WWOX: variants seen among roughly 807,000 people sequenced by gnomAD.
The protein encoded by WWOX is WW domain containing oxidoreductase, also known as WW domain-containing oxidoreductase.
In WWOX, 69 loss-of-function variants were observed where a neutral mutation model predicts 46.2. That is an observed-to-expected ratio of 1.49 (90% CI 1.23 to 1.82). The LOEUF is 1.82. Ranked by LOEUF, WWOX falls within the 40% of genes most tolerant of loss-of-function variation. The pLI is 0.00. For missense variants in WWOX, 919 were observed against 542.6 expected (o/e 1.69, Z -6.89); for synonymous variants, 359 against 202.6 (o/e 1.77, Z -6.56).
chr16:78,958,125 G>T (rs1052954992), intron 8 of WWOX, among the ~76,000 whole-genome samples: 1 of 152,132 alleles, frequency 6.6e-6, no homozygotes, highest in Non-Finnish European at 1.5e-5. Context: ...TGGTCCTATT[G>T]TTCCTTAACT....
At chr16:78,901,336 C>T (rs928551525) in intron 8 of WWOX, among the ~76,000 whole-genome samples, 1 of 152,214 alleles carries the variant, frequency 6.6e-6, no homozygotes, top group African/African-American at 2.4e-5. Flanking sequence ...GAATATCCAA[C>T]ACATTATAGA....
intron 8 of WWOX, among the ~76,000 whole-genome samples, chr16:78,647,509 G>A (rs1195960044): frequency 6.6e-6 from 1 of 152,176 alleles, no homozygotes; most frequent in Non-Finnish European, 1.5e-5. Context: ...TGTTAGAGAA[G>A]GGAATGGATG....
At chr16:78,433,700 C>T (rs1256766496) in intron 8 of WWOX, among the ~76,000 whole-genome samples, 2 of 151,750 alleles carry the variant, frequency 1.3e-5, no homozygotes, top group Non-Finnish European at 2.9e-5. Context: ...GCTGATCTCA[C>T]GACCTTGGAA....
chr16:78,642,070 G>A (rs1392592990), intron 8 of WWOX, among the ~76,000 whole-genome samples: 1 of 152,208 alleles, frequency 6.6e-6, no homozygotes, highest in Non-Finnish European at 1.5e-5. Context: ...AGTACATTGA[G>A]TGTGACATGC....
intron 8 of WWOX, among the ~76,000 whole-genome samples, chr16:78,634,970 C>T (rs746995636): frequency 1.1e-4 from 16 of 151,652 alleles, no homozygotes; most frequent in Non-Finnish European, 2.1e-4. Context: ...CAGTAAAGAG[C>T]CTGTAAATAA....
intron 5 of WWOX, among the ~76,000 whole-genome samples, chr16:78,319,159 T>C (rs2080414318): frequency 6.6e-6 from 1 of 152,048 alleles, no homozygotes; most frequent in Non-Finnish European, 1.5e-5. Flanking sequence ...ATTGCTGGCT[T>C]TGAAAATGGA....
intron 8 of WWOX, among the ~76,000 whole-genome samples, chr16:78,980,011 C>G (rs1357180905): frequency 6.6e-6 from 1 of 152,108 alleles, no homozygotes; most frequent in Admixed American, 6.5e-5. Flanking sequence ...ACCTGTACTT[C>G]CAGCTGCTTG....
chr16:78,998,279 C>A (rs931157807), intron 8 of WWOX, among the ~76,000 whole-genome samples: 1 of 152,190 alleles, frequency 6.6e-6, no homozygotes, highest in Non-Finnish European at 1.5e-5. Context: ...TCAGTTCATT[C>A]TCTCTGATCT....
At chr16:79,160,524 T>C (rs535937539) in intron 8 of WWOX, among the ~76,000 whole-genome samples, 6 of 152,332 alleles carry the variant, frequency 3.9e-5, no homozygotes, top group South Asian at 2.1e-4. Flanking sequence ...TACAATGATG[T>C]AACCTACTTG....
chr16:78,258,067 C>T, intron 5 of WWOX, among the ~76,000 whole-genome samples: 1 of 152,130 alleles, frequency 6.6e-6, no homozygotes, highest in East Asian at 1.9e-4. Flanking sequence ...ACAATTATGA[C>T]TTCTGAGCTG....
rs576031293 is a variant in WWOX, at chr16:78,165,337, A to G, written c.516+1048A>G. Among the ~76,000 whole-genome samples, 5 of 152,360 alleles carry G rather than the reference A, an allele frequency of 3.3e-5. No individual in the cohort carries two copies. The South Asian group carries it at 1.0e-3, about 32-fold the overall frequency. ...ACTGTTAAGGACAACAGACGTTGCCACTGTCTTTGTAGAGCTTTCAGCCTA... is the reference window on the plus strand; with the variant it reads ...ACTGTTAAGGACAACAGACGTTGCCGCTGTCTTTGTAGAGCTTTCAGCCTA... On this transcript the variant is annotated intron_variant, in intron 5 of 8. Transcript: ENST00000566780.
At chr16:79,192,013 C>G (rs1021231353) in intron 8 of WWOX, among the ~76,000 whole-genome samples, 2 of 152,206 alleles carry the variant, frequency 1.3e-5, no homozygotes, top group Non-Finnish European at 2.9e-5. Flanking sequence ...CTTACATAAA[C>G]TGACCAGGAA....
At chr16:78,358,324 A>G (rs960821377) in intron 5 of WWOX, among the ~76,000 whole-genome samples, 4 of 152,230 alleles carry the variant, frequency 2.6e-5, no homozygotes, top group African/African-American at 9.6e-5. Context: ...CTAATGAATT[A>G]CTTTCCTTGA....
At chr16:79,150,201 A>G (rs1034594814) in intron 8 of WWOX, among the ~76,000 whole-genome samples, 5 of 152,184 alleles carry the variant, frequency 3.3e-5, no homozygotes, top group South Asian at 2.1e-4. Flanking sequence ...GGTAGAAGAG[A>G]TCCTTTCCCA....
chr16:78,839,414 G>C (rs1159627851), intron 8 of WWOX, among the ~76,000 whole-genome samples: 1 of 152,086 alleles, frequency 6.6e-6, no homozygotes, highest in Admixed American at 6.5e-5. Context: ...GTTTGGCATT[G>C]ATTTTGACAA....
intron 8 of WWOX, among the ~76,000 whole-genome samples, chr16:79,135,214 C>T (rs994574794): frequency 2.6e-5 from 4 of 151,988 alleles, no homozygotes; most frequent in Non-Finnish European, 5.9e-5. Context: ...TATTTTTGAT[C>T]CATACACGTA....
At chr16:79,036,255 C>T (rs2047864032) in intron 8 of WWOX, among the ~76,000 whole-genome samples, 1 of 152,224 alleles carries the variant, frequency 6.6e-6, no homozygotes, top group African/African-American at 2.4e-5. Context: ...GCCATGGGGC[C>T]TACTTTTTGC....
intron 5 of WWOX, among the ~76,000 whole-genome samples, chr16:78,369,810 G>C (rs758004406): frequency 2.0e-5 from 3 of 151,950 alleles, no homozygotes; most frequent in Non-Finnish European, 4.4e-5. Context: ...CTATCATATA[G>C]GAATGATAGA....
chr16:78,164,546 C>A (rs1010691381), intron 5 of WWOX, among the ~76,000 whole-genome samples: 2 of 152,162 alleles, frequency 1.3e-5, no homozygotes, highest in Non-Finnish European at 1.5e-5. Flanking sequence ...TCCTTTAACT[C>A]ATTTATTAAG....
Sources: allele counts gnomAD v4.1 joint callset (sites outside exome capture counted in the v4.1 genomes callset), GRCh38; gene constraint gnomAD v4.1.1; transcripts MANE v1.5; gene names NCBI Gene and HGNC (gene_info 2026-07-23, HGNC 2026-07-21).